Variants in CADPS observed in about 807,000 individuals in gnomAD.
The protein encoded by CADPS is calcium dependent secretion activator, also known as calcium-dependent secretion activator 1.
CADPS carries 57 observed loss-of-function variants against 167.3 expected under a neutral mutation model. That is an observed-to-expected ratio of 0.34 (90% confidence interval 0.28 to 0.42). The LOEUF (loss-of-function observed/expected upper bound fraction) is 0.42. Ranked by LOEUF, CADPS falls within the 20% of genes least tolerant of loss-of-function variation. The probability of loss-of-function intolerance (pLI) is 1.00; values close to 1 mark genes in which losing one functional copy is unlikely to be tolerated. For synonymous variants in CADPS, 676 were observed against 635.3 expected (o/e 1.06, Z -0.96); for missense variants, 1,414 against 1,738.1 (o/e 0.81, Z 3.32).
intron 3 of CADPS, among the ~76,000 whole-genome samples, chr3:62,741,590 C>G (rs1171076927): frequency 2.0e-5 from 3 of 152,152 alleles, no homozygotes; most frequent in Non-Finnish European, 4.4e-5. Context: ...ATGTTAAAAA[C>G]TCTCAATAAA....
chr3:62,702,852 G>C (rs1039829691), intron 3 of CADPS, among the ~76,000 whole-genome samples: 1 of 152,092 alleles, frequency 6.6e-6, no homozygotes, highest in African/African-American at 2.4e-5. Context: ...GAGTTCTATA[G>C]TTAAGCACTT....
chr3:62,485,803 G>A (rs2062728919), intron 21 of CADPS, among the ~76,000 whole-genome samples: 1 of 152,166 alleles, frequency 6.6e-6, no homozygotes, highest in African/African-American at 2.4e-5. Flanking sequence ...GTCTGAATAT[G>A]GACAGTGATA....
At chr3:62,820,774 T>C (rs1168125712) in intron 1 of CADPS, among the ~76,000 whole-genome samples, 1 of 146,854 alleles carries the variant, frequency 6.8e-6, no homozygotes, top group South Asian at 2.2e-4. Context: ...TCCTACTTAC[T>C]CTTTCTTCCT....
intron 5 of CADPS, among the ~76,000 whole-genome samples, chr3:62,647,019 A>G (rs1198466601): frequency 5.3e-5 from 8 of 152,186 alleles, no homozygotes; most frequent in Non-Finnish European, 1.2e-4. Context: ...ATCACCTACT[A>G]TTCTGATATT....
At chr3:62,596,054 ATACT>A (rs1021526354) in intron 6 of CADPS, among the ~76,000 whole-genome samples, 2 of 150,730 alleles carry the variant, frequency 1.3e-5, no homozygotes, top group Non-Finnish European at 2.9e-5. Context: ...GTGTAAGTTA[ATACT>A]TAATTAACTC....
Position 62,412,643 on chromosome 3 carries a change from A to C in CADPS, c.3778-9458T>G, listed in dbSNP as rs1378324472. On this transcript the variant is annotated intron_variant, in intron 28 of 29. Coordinates refer to ENST00000383710, the MANE Select transcript of CADPS (RefSeq NM_003716.4). The surrounding 1 kb of genome is among the most constrained non-coding windows in gnomAD (Gnocchi z 4.1). ...TAATTCTTTAGCATCAAAATTTCTA[A>C]CGAATGATTAAAGGGATGAATCCAC... Among the ~76,000 whole-genome samples the C allele has an allele frequency of 2.6e-5, 4 of 152,174 alleles. No homozygotes were observed. The highest frequency in any genetic ancestry group is 9.7e-5 in the African/African-American group (4 of 41,446).
At position 62,711,495 on chromosome 3, in the gene CADPS, A is replaced by G. The variant is rs1441499931; in HGVS notation, c.888+41946T>C. ...TATAATTCATAGACTCCTCCAAAAT[A>G]CCCCTGAATTCTTTGTGTAAGATAG... On this transcript the variant is annotated intron_variant, in intron 3 of 29. Transcript: ENST00000383710. Among the ~76,000 whole-genome samples the G allele has an allele frequency of 2.0e-5, 3 of 152,326 alleles. No individual in the cohort carries two copies. The East Asian group carries it at 5.8e-4, about 29-fold the overall frequency.
rs2077854280 is a variant in CADPS, at chr3:62,848,195, G to C, written c.441+26394C>G. 2.1e-5 allele frequency among the ~76,000 whole-genome samples: 3 copies of C among 143,838 alleles called. No homozygotes were observed. The South Asian group carries it at 6.5e-4, about 31-fold the overall frequency. The allele number at this position is 143,838 out of a possible 152,430, so 94.4% of individuals were successfully genotyped here. On this transcript the variant is annotated intron_variant, in intron 1 of 29. Transcript: ENST00000383710. ...TGGATATTAGCCCTTTGTCAGATGA[G>C]TAAGTTGCGAAAATTTTCTCCCATG...
intron 17 of CADPS, among the ~76,000 whole-genome samples, chr3:62,510,191 C>CATCTATCTATCTATCTGTCT (rs2067494555): frequency 6.7e-6 from 1 of 148,266 alleles, no homozygotes; most frequent in African/African-American, 2.5e-5. Flanking sequence ...CCTATTTCTG[C>CATCTATCTATCTATCTGTCT]ATCTATCTAT....
rs115709760 is a variant in CADPS at position 62,796,739 on chromosome 3, G to A, written c.442-30755C>T. ...TGCATAAATATTTTATAACCATTCA[G>A]GATCAGCATATTTGCAGATAAGCCA... On this transcript the variant is annotated intron_variant, in intron 1 of 29. Transcript: ENST00000383710. 9.6e-3 allele frequency among the ~76,000 whole-genome samples: 1,468 copies of A among 152,152 alleles called. 24 individuals carry two copies. The highest frequency in any genetic ancestry group is 0.033 in the African/African-American group (1,369 of 41,520).
chr3:62,763,324 C>T (rs1316580152), intron 2 of CADPS, among the ~76,000 whole-genome samples: 1 of 152,160 alleles, frequency 6.6e-6, no homozygotes, highest in African/African-American at 2.4e-5. Flanking sequence ...CTGTCAAGGT[C>T]TTCCACATGG....
chr3:62,473,084 C>T (rs1315530329), intron 24 of CADPS, among the ~76,000 whole-genome samples: 4 of 152,148 alleles, frequency 2.6e-5, no homozygotes, highest in Non-Finnish European at 5.9e-5. Context: ...AACATGAGAA[C>T]CACTGCCCCA....
At chr3:62,691,374 C>T (rs1266309676) in intron 3 of CADPS, among the ~76,000 whole-genome samples, 2 of 151,864 alleles carry the variant, frequency 1.3e-5, no homozygotes, top group African/African-American at 4.8e-5. Context: ...GTTACAAATG[C>T]ATCATTCTGT....
chr3:62,717,408 G>T (rs2084902750), intron 3 of CADPS, among the ~76,000 whole-genome samples: 1 of 152,142 alleles, frequency 6.6e-6, no homozygotes, highest in East Asian at 1.9e-4. Flanking sequence ...TGTCCACTTA[G>T]ATATCTAATC....
chr3:62,804,669 A>G (rs1465660182), intron 1 of CADPS, among the ~76,000 whole-genome samples: 2 of 151,862 alleles, frequency 1.3e-5, no homozygotes, highest in African/African-American at 2.4e-5. Flanking sequence ...TGTATTGTGT[A>G]TTGTTGTTGC....
intron 6 of CADPS, among the ~76,000 whole-genome samples, chr3:62,597,656 G>T (rs914949824): frequency 6.6e-6 from 1 of 152,078 alleles, no homozygotes; most frequent in Non-Finnish European, 1.5e-5. Context: ...CTGACTGTGG[G>T]GCAGTCAGTG....
At position 62,532,769 on chromosome 3, in the gene CADPS, G is replaced by A. The variant is rs1012685868; in HGVS notation, c.2291+102C>T. On this transcript the variant is annotated intron_variant, in intron 13 of 29. Transcript: ENST00000383710. ...TGTGTGTACGTGTGCACATACCACC[G>A]AAGGAATGAAGACAGGCAGATCCTA... The A allele has an allele frequency of 2.7e-4, 252 of 945,306 alleles. No individual in the cohort carries two copies. In the Middle Eastern group the frequency reaches 3.0e-3, roughly 11 times the overall value. The allele number at this position is 945,306 out of a possible 1,614,324, so 58.6% of individuals were successfully genotyped here.
chr3:62,585,520 T>G (rs755954490), intron 7 of CADPS, among the ~76,000 whole-genome samples, 196 bp from the exon 8 acceptor site: 7 of 152,208 alleles, frequency 4.6e-5, no homozygotes, highest in Non-Finnish European at 8.8e-5. Flanking sequence ...AATTCTGTGA[T>G]GATTCTGTCA....
intron 6 of CADPS, among the ~76,000 whole-genome samples, chr3:62,610,590 C>T (rs2061370915): frequency 6.6e-6 from 1 of 152,154 alleles, no homozygotes; most frequent in Admixed American, 6.6e-5. Context: ...AACTTAAAAA[C>T]ACCTTTCTTT....
Sources: gnomAD v4.1 joint callset for allele counts (sites outside exome capture counted in the v4.1 genomes callset) on GRCh38, gnomAD v4.1.1 for gene constraint, Gnocchi (gnomAD v3.1) non-coding constraint, MANE v1.5 for transcripts, NCBI Gene and HGNC (gene_info 2026-07-23, HGNC 2026-07-21) for gene names.